Variants in MAGI1 observed in about 807,000 individuals in gnomAD.
MAGI1 encodes membrane associated guanylate kinase, WW and PDZ domain containing 1, also known as membrane-associated guanylate kinase, WW and PDZ domain-containing protein 1.
MAGI1 carries 58 observed loss-of-function variants against 139.9 expected under a neutral mutation model. The observed-to-expected ratio is 0.41, with a 90% confidence interval of 0.34 to 0.52. The LOEUF (loss-of-function observed/expected upper bound fraction) is 0.52. Ranked by LOEUF, MAGI1 falls within the 20% of genes least tolerant of loss-of-function variation. The pLI is 0.12. For synonymous variants in MAGI1, 812 were observed against 737.9 expected, an observed-to-expected ratio of 1.10 and a Z score of -1.63; for missense variants, 1,874 against 1,901.6, an observed-to-expected ratio of 0.99 and a Z score of 0.27.
At chr3:65,648,855 C>A (rs1458668355) in intron 1 of MAGI1, among the ~76,000 whole-genome samples, 1 of 152,134 alleles carries the variant, frequency 6.6e-6, no homozygotes, top group East Asian at 1.9e-4. Flanking sequence ...GGGATGCAGA[C>A]ACACAGATTA....
chr3:65,549,442 G>A (rs2079705074), intron 2 of MAGI1: 2 of 985,072 alleles, frequency 2.0e-6, no homozygotes, highest in Non-Finnish European at 2.4e-6. Flanking sequence ...AGTTCGCCTC[G>A]GTCACTGCCG....
At chr3:65,747,172 T>C (rs2035779215) in intron 1 of MAGI1, among the ~76,000 whole-genome samples, 2 of 152,216 alleles carry the variant, frequency 1.3e-5, no homozygotes, top group South Asian at 2.1e-4. Context: ...AAGGAAAGCA[T>C]CATTTAGGTG....
chr3:65,409,811 C>T (rs1256637505), intron 12 of MAGI1, among the ~76,000 whole-genome samples: 1 of 152,128 alleles, frequency 6.6e-6, no homozygotes, highest in African/African-American at 2.4e-5. Flanking sequence ...TTTTGACCAT[C>T]ATAATTTAGA....
rs189806745 is a variant in MAGI1, at chr3:65,803,596, T to C, written c.314-181508A>G. Among the ~76,000 whole-genome samples, 419 of 152,312 alleles carry C rather than the reference T, an allele frequency of 2.8e-3. 5 individuals are homozygous for C. Among genetic ancestry groups the C allele is most frequent in the African/African-American group, 9.6e-3 (400 of 41,570 alleles). On this transcript the variant is annotated intron_variant, in intron 1 of 22. Coordinates refer to ENST00000402939, the MANE Select transcript of MAGI1 (RefSeq NM_001033057.2). ...GGGGTACATATGCAGGTTTGTTATATAGGTAAACTCGTGTCATGGGAGTTT... is the reference window on the plus strand; with the variant it reads ...GGGGTACATATGCAGGTTTGTTATACAGGTAAACTCGTGTCATGGGAGTTT...
At chr3:65,510,779 A>G in intron 2 of MAGI1, among the ~76,000 whole-genome samples, 1 of 137,652 alleles carries the variant, frequency 7.3e-6, no homozygotes, top group Admixed American at 7.5e-5. Flanking sequence ...GCAGGCCAAC[A>G]TTCAGATTCA....
intron 5 of MAGI1, among the ~76,000 whole-genome samples, chr3:65,456,737 T>C (rs1423752629): frequency 6.6e-6 from 1 of 152,194 alleles, no homozygotes; most frequent in African/African-American, 2.4e-5. Context: ...TACATGCCTC[T>C]GGTCGTCCAC....
At chr3:65,709,408 C>G (rs907812546) in intron 1 of MAGI1, among the ~76,000 whole-genome samples, 2 of 152,158 alleles carry the variant, frequency 1.3e-5, no homozygotes, top group Non-Finnish European at 2.9e-5. Context: ...AAGTCTCTGT[C>G]ATTAAAAGTG....
rs1194273509 is a variant in MAGI1 at position 65,360,329 on chromosome 3, T to C, written c.3634+870A>G. On this transcript the variant is annotated intron_variant, in intron 22 of 22. Coordinates refer to ENST00000402939, the MANE Select transcript of MAGI1 (RefSeq NM_001033057.2). ...GACCTTTGGTTGGGAAAAAAAGCCCTACATCTAGGGCATAGCTTCTTCTTT... is the reference window on the plus strand; with the variant it reads ...GACCTTTGGTTGGGAAAAAAAGCCCCACATCTAGGGCATAGCTTCTTCTTT... The C allele has an allele frequency of 1.6e-5, 16 of 979,320 alleles. No individual in the cohort carries two copies. The Admixed American group carries it at 9.9e-4, about 61-fold the overall frequency. The allele number at this position is 979,320 out of a possible 1,614,324, so 60.7% of individuals were successfully genotyped here.
At chr3:65,645,906 G>T (rs1264154747) in intron 1 of MAGI1, among the ~76,000 whole-genome samples, 2 of 151,638 alleles carry the variant, frequency 1.3e-5, no homozygotes, top group Non-Finnish European at 2.9e-5. Flanking sequence ...GCTAAAAAGA[G>T]ATATGCTCAA....
chr3:65,631,867 C>T (rs1439923068), intron 1 of MAGI1, among the ~76,000 whole-genome samples: 2 of 151,854 alleles, frequency 1.3e-5, no homozygotes, highest in African/African-American at 4.8e-5. Context: ...CTACCAAAAA[C>T]ACAAAAAATT....
chr3:65,764,188 T>C (rs1349323721), intron 1 of MAGI1, among the ~76,000 whole-genome samples: 1 of 151,750 alleles, frequency 6.6e-6, no homozygotes, highest in East Asian at 1.9e-4. Context: ...AATCCTTAAA[T>C]ACAGTAATAA....
intron 1 of MAGI1, among the ~76,000 whole-genome samples, chr3:65,823,711 A>G (rs2042067480): frequency 6.6e-6 from 1 of 152,176 alleles, no homozygotes; most frequent in African/African-American, 2.4e-5. Context: ...GAAAAATCCT[A>G]CCCAAAGCAA....
chr3:65,876,796 T>G (rs1253405445), intron 1 of MAGI1, among the ~76,000 whole-genome samples: 2 of 149,520 alleles, frequency 1.3e-5, no homozygotes, highest in African/African-American at 5.0e-5. Context: ...CAGGATGGAG[T>G]GCAGTGGCCC....
At chr3:65,637,616 G>T (rs923607294) in intron 1 of MAGI1, among the ~76,000 whole-genome samples, 2 of 141,722 alleles carry the variant, frequency 1.4e-5, no homozygotes, top group African/African-American at 5.2e-5. Flanking sequence ...AAGAAAGAAA[G>T]AAAATTGCAA....
chr3:65,815,855 CT>C (rs1341821042), intron 1 of MAGI1, among the ~76,000 whole-genome samples: 1 of 152,076 alleles, frequency 6.6e-6, no homozygotes, highest in African/African-American at 2.4e-5. Context: ...GGCTAAATAA[CT>C]AACCAAAAGC....
At chr3:65,861,762 G>A (rs569320487) in intron 1 of MAGI1, among the ~76,000 whole-genome samples, 134 of 151,546 alleles carry the variant, frequency 8.8e-4, no homozygotes, top group Middle Eastern at 6.8e-3. Flanking sequence ...GTGACTCAAT[G>A]GCTGAATCAC....
At chr3:66,012,765 C>CAAA (rs34971326) in intron 1 of MAGI1, among the ~76,000 whole-genome samples, 5 of 113,974 alleles carry the variant, frequency 4.4e-5, no homozygotes, top group South Asian at 3.0e-4. Context: ...GACTCCATCT[C>CAAA]AAAAAAAAAA....
chr3:65,751,765 T>C (rs776742917), intron 1 of MAGI1, among the ~76,000 whole-genome samples: 23 of 152,204 alleles, frequency 1.5e-4, no homozygotes, highest in Non-Finnish European at 3.1e-4. Flanking sequence ...AGAAAATATA[T>C]TAAAACTCTA....
intron 1 of MAGI1, among the ~76,000 whole-genome samples, chr3:65,902,240 T>C (rs2061260172): frequency 6.6e-6 from 1 of 152,166 alleles, no homozygotes. Context: ...ATCGCAATTG[T>C]GTCTGCCTAG....
Sources: allele counts gnomAD v4.1 joint callset (sites outside exome capture counted in the v4.1 genomes callset), GRCh38; gene constraint gnomAD v4.1.1; transcripts MANE v1.5; gene names NCBI Gene and HGNC (gene_info 2026-07-23, HGNC 2026-07-21).